RNPEP: variants seen among roughly 807,000 people sequenced by gnomAD.
RNPEP encodes arginyl aminopeptidase.
In RNPEP, 57 loss-of-function variants were observed where a neutral mutation model predicts 70.1. The ratio of observed to expected loss-of-function variants is 0.81; its 90% CI spans 0.66 to 1.01. The LOEUF is 1.01. Ranked by LOEUF, RNPEP falls within the 50% of genes least tolerant of loss-of-function variation. RNPEP has a pLI of 0.00. For missense variants in RNPEP, 787 were observed against 852.4 expected (o/e 0.92, Z 0.96); for synonymous variants, 335 against 357.4 (o/e 0.94, Z 0.71).
rs1458740354 is a variant in RNPEP at position 201,996,136 on chromosome 1, CTT to C, written c.738-10_738-9del. 1.2e-6 allele frequency: 2 copies of C among 1,608,264 alleles called. No homozygotes were observed. The highest frequency in any genetic ancestry group is 2.7e-5 in the African/African-American group (2 of 74,830). On this transcript the variant is annotated splice_polypyrimidine_tract_variant and intron_variant, in intron 3 of 10. Transcript: ENST00000295640. ...AACACCATTCTGCTTTCTCTGCTCTCTTGTCTTTAGGAGCCGGGTGTGGGCTG... is the reference window on the plus strand; with the variant it reads ...AACACCATTCTGCTTTCTCTGCTCTCGTCTTTAGGAGCCGGGTGTGGGCTG...
chr1:202,002,404 C>T (rs12133339), intron 8 of RNPEP, among the ~76,000 whole-genome samples: 54,512 of 152,006 alleles, frequency 0.36, 10,989 homozygotes, highest in Admixed American at 0.45. Flanking sequence ...TCAGGTGATC[C>T]ACCTGCCTCG....
chr1:201,989,295 C>A, intron 2 of RNPEP, 88 bp from the exon 3 acceptor site: 2 of 1,474,508 alleles, frequency 1.4e-6, no homozygotes, highest in Admixed American at 1.9e-5. Flanking sequence ...ATTATCATCA[C>A]ACACAGGTGG....
At chr1:201,994,730 A>G (rs1459914486) in intron 3 of RNPEP, among the ~76,000 whole-genome samples, 1 of 148,360 alleles carries the variant, frequency 6.7e-6, no homozygotes, top group African/African-American at 2.5e-5. Context: ...GCGATGGTGC[A>G]ATCTTGGCTC....
At chr1:201,988,164 G>GAAA (rs1271189828) in intron 1 of RNPEP, among the ~76,000 whole-genome samples, 10 of 147,028 alleles carry the variant, frequency 6.8e-5, no homozygotes, top group South Asian at 2.2e-4. Flanking sequence ...GAAAAGAAAA[G>GAAA]AGAATGTATA....
In RNPEP at chr1:201,989,030, T is replaced by G; in HGVS notation, c.574T>G (p.Ser192Ala). 6.2e-7 allele frequency: 1 copy of G among 1,614,058 alleles called. No individual in the cohort carries two copies. The highest frequency in any genetic ancestry group is 8.5e-7 in the Non-Finnish European group (1 of 1,179,972). Residue 192 changes from serine (S) to alanine (A), a missense_variant, in exon 2 of 11, where the codon TCA (serine) becomes GCA (alanine). Ser to Ala is a moderately conservative substitution (Grantham distance 99). Transcript: ENST00000295640. ...CACGCCTGCTGTTAAATACAAGTAT[T>G]CAGCTCTTATTGAGGTAAGGAGACT... ...FDTPAVKYKY[S>A]ALIEVPDGFT...
At chr1:201,984,134 T>G (rs4950749) in intron 1 of RNPEP, among the ~76,000 whole-genome samples, 83,909 of 151,916 alleles carry the variant, frequency 0.55, 23,525 homozygotes, top group Non-Finnish European at 0.6. Flanking sequence ...ATTTCACCAT[T>G]TTGGTCAGGC....
At chr1:202,000,650 G>C (rs1208061150) in intron 6 of RNPEP, among the ~76,000 whole-genome samples, 1 of 152,118 alleles carries the variant, frequency 6.6e-6, no homozygotes, top group Non-Finnish European at 1.5e-5. Flanking sequence ...GTTCACGCCT[G>C]TAATCCCAGG....
chr1:201,998,301 C>T (rs890203070), intron 5 of RNPEP, among the ~76,000 whole-genome samples: 8 of 140,832 alleles, frequency 5.7e-5, no homozygotes, highest in Admixed American at 2.3e-4. Flanking sequence ...GTTGCAATCT[C>T]GGCTCATTGC....
At chr1:202,001,061 G>T (rs367681279) in intron 6 of RNPEP, 1 of 320,620 alleles carries the variant, frequency 3.1e-6, no homozygotes. Flanking sequence ...TCCTCTGGAA[G>T]GCTGGTTTCT....
Position 201,999,816 on chromosome 1 carries a change from G to A in RNPEP, c.1091-86G>A, listed in dbSNP as rs559507242. 186 of 1,016,380 alleles carry A rather than the reference G, an allele frequency of 1.8e-4. No individual in the cohort carries two copies. In the East Asian group the frequency reaches 4.4e-3, roughly 24 times the overall value. 63.0% of individuals were successfully genotyped at this position (1,016,380 alleles called of 1,614,324 possible). On this transcript the variant is annotated intron_variant, in intron 5 of 10. Coordinates refer to ENST00000295640, the MANE Select transcript of RNPEP (RefSeq NM_020216.4). ...TCGCTGTTCTTCTTGAGGCCACAAG[G>A]AGGCAGCACAGTGTCTCTGTCAGGA...
At chr1:201,989,342 C>A in intron 2 of RNPEP, 41 bp from the exon 3 acceptor site, 1 of 1,603,284 alleles carries the variant, frequency 6.2e-7, no homozygotes, top group Non-Finnish European at 8.5e-7. Flanking sequence ...CAAAAGGAAA[C>A]TCTCTCCAGG....
chr1:202,005,087 T>C (rs915597413), intron 10 of RNPEP, among the ~76,000 whole-genome samples: 3 of 152,194 alleles, frequency 2.0e-5, no homozygotes, highest in Non-Finnish European at 2.9e-5. Flanking sequence ...TCCTCAAGGC[T>C]CTGGATTTTA....
intron 1 of RNPEP, among the ~76,000 whole-genome samples, chr1:201,987,470 C>A (rs1683174671): frequency 7.1e-6 from 1 of 141,310 alleles, no homozygotes. Context: ...CAGAGTCTCG[C>A]TCTGTCACCC....
Position 201,988,924 on chromosome 1 carries a change from G to T in RNPEP, c.468G>T (p.Glu156Asp), listed in dbSNP as rs987522278. The T allele has an allele frequency of 3.1e-6, 5 of 1,612,388 alleles. No individual in the cohort carries two copies. Among genetic ancestry groups the T allele is most frequent in the Non-Finnish European group, 3.4e-6 (4 of 1,179,218 alleles). ...CTTAGGTTTGCTGGTTGGCTCCCGA[G>T]CAGACAGCAGGAAAGAAGAAGCCCT... is the stretch of plus-strand genomic sequence containing the variant. The part of the protein sequence containing the change: ...EGPGVCWLAP[E>D]QTAGKKKPFV... Residue 156 changes from glutamate to aspartate, a missense_variant, in exon 2 of 11, where the codon GAG becomes GAT. By Grantham distance (45) the Glu-to-Asp change is conservative. Transcript: ENST00000295640.
intron 1 of RNPEP, 30 bp from the exon 2 acceptor site, chr1:201,988,874 C>A: frequency 6.3e-7 from 1 of 1,589,034 alleles, no homozygotes; most frequent in South Asian, 1.1e-5. Context: ...TGGGAGATGT[C>A]AGTTCTGAAA....
chr1:201,987,581 G>C (rs1368577649), intron 1 of RNPEP, among the ~76,000 whole-genome samples: 2 of 151,636 alleles, frequency 1.3e-5, no homozygotes, highest in African/African-American at 4.8e-5. Context: ...AGAATTACAG[G>C]TGCATGCCAT....
At chr1:201,984,693 G>A (rs955657700) in intron 1 of RNPEP, among the ~76,000 whole-genome samples, 2 of 152,162 alleles carry the variant, frequency 1.3e-5, no homozygotes, top group Non-Finnish European at 2.9e-5. Flanking sequence ...TTAATAAGAT[G>A]AGCCAGGCAC....
At position 202,001,407 on chromosome 1, in the gene RNPEP, C is replaced by A. The variant is rs1357369467; in HGVS notation, c.1236C>A (p.Thr412=). 2 of 1,613,780 alleles carry A rather than the reference C, an allele frequency of 1.2e-6. No homozygotes were observed. Among genetic ancestry groups the A allele is most frequent in the Non-Finnish European group, 1.7e-6 (2 of 1,179,822 alleles). The change falls in exon 7 of 11, where the codon ACC becomes ACA. Residue 412 remains threonine (T), a synonymous_variant. Transcript: ENST00000295640. ...GVDPDDTYNE[T]PYEKGFCFVS... is the part of the protein sequence containing the mutation. ...ACCCGGACGACACCTATAATGAGAC[C>A]CCCTACGAGAAAGGTTTCTGCTTTG... is the stretch of plus-strand genomic sequence containing the variant.
At chr1:202,004,727 TGA>T (rs1683979286) in intron 10 of RNPEP, among the ~76,000 whole-genome samples, 1 of 151,970 alleles carries the variant, frequency 6.6e-6, no homozygotes, top group Non-Finnish European at 1.5e-5. Flanking sequence ...ATTCAGCTGG[TGA>T]GACCCCAGGG....
Sources: allele counts gnomAD v4.1 joint callset (sites outside exome capture counted in the v4.1 genomes callset), GRCh38; gene constraint gnomAD v4.1.1; transcripts MANE v1.5; gene names NCBI Gene and HGNC (gene_info 2026-07-23, HGNC 2026-07-21).